CEP164: variants seen among roughly 807,000 people sequenced by gnomAD.
CEP164 encodes centrosomal protein 164.
In CEP164, 162 loss-of-function variants were observed where a neutral mutation model predicts 182.7. The observed-to-expected ratio is 0.89, with a 90% CI of 0.78 to 1.01. CEP164 has a LOEUF of 1.01. Ranked by LOEUF, CEP164 falls within the 50% of genes least tolerant of loss-of-function variation. The pLI is 0.00. For missense variants in CEP164, 1,735 were observed against 1,790.4 expected (o/e 0.97, Z 0.56); for synonymous variants, 661 against 690.0 (o/e 0.96, Z 0.66).
At chr11:117,331,464 A>G (rs1443422684) in intron 1 of CEP164, among the ~76,000 whole-genome samples, 5 of 152,190 alleles carry the variant, frequency 3.3e-5, no homozygotes, top group Admixed American at 2.0e-4. Context: ...TAGGCACTTT[A>G]TAAGTGTTGT....
chr11:117,379,089 C>T (rs2043045909), intron 11 of CEP164, among the ~76,000 whole-genome samples: 3 of 152,136 alleles, frequency 2.0e-5, no homozygotes, highest in South Asian at 2.1e-4. Context: ...GAGTTGCACC[C>T]TCGAAGGGGA....
chr11:117,410,313 A>T (rs757764483), intron 30 of CEP164: 2 of 425,530 alleles, frequency 4.7e-6, no homozygotes, highest in African/African-American at 2.0e-5. Flanking sequence ...TGTGCAATAC[A>T]TGATGGGCCA....
At chr11:117,392,194 G>A (rs957278491) in intron 17 of CEP164, 32 bp from the exon 18 acceptor site, 4 of 1,539,822 alleles carry the variant, frequency 2.6e-6, no homozygotes, top group African/African-American at 2.7e-5. Flanking sequence ...TACCTGGCCA[G>A]CTTCACTCAC....
intron 25 of CEP164, 85 bp downstream of exon 25, chr11:117,396,265 C>A: frequency 6.9e-7 from 1 of 1,445,282 alleles, no homozygotes; most frequent in South Asian, 1.2e-5. Context: ...GGAGTACTTC[C>A]AGAGGGGACA....
At chr11:117,322,769 T>A (rs2035298875) in intron 1 of CEP164, among the ~76,000 whole-genome samples, 1 of 140,812 alleles carries the variant, frequency 7.1e-6, no homozygotes, top group African/African-American at 2.6e-5. Context: ...TTTTTTTTTT[T>A]TTTTTTTTTT....
intron 27 of CEP164, among the ~76,000 whole-genome samples, chr11:117,404,478 G>C (rs375121365): frequency 6.6e-6 from 1 of 152,166 alleles, no homozygotes. Flanking sequence ...TATCACCAGC[G>C]GAGGCTGCAG....
At chr11:117,383,420 C>T (rs2043570275) in intron 14 of CEP164, among the ~76,000 whole-genome samples, 1 of 152,092 alleles carries the variant, frequency 6.6e-6, no homozygotes. Context: ...CCCTCTCAAA[C>T]CACTCACCCC....
At position 117,407,923 on chromosome 11, in the gene CEP164, A is replaced by T. The variant is rs2046897646; in HGVS notation, c.3502-2A>T. ...TCTCCTCTGTTTTCTCCTTGGCTGCAGGAGACCAGGCACCTGGATGAGATG... is the reference window on the plus strand; with the variant it reads ...TCTCCTCTGTTTTCTCCTTGGCTGCTGGAGACCAGGCACCTGGATGAGATG... On this transcript the variant is annotated splice_acceptor_variant, in intron 27 of 32. Coordinates refer to ENST00000278935, the MANE Select transcript of CEP164 (RefSeq NM_014956.5). LOFTEE classifies it high-confidence loss of function. 2 of 1,584,738 alleles carry T rather than the reference A, an allele frequency of 1.3e-6. No homozygotes were observed.
chr11:117,389,411 C>A (rs1213209404), intron 15 of CEP164, among the ~76,000 whole-genome samples: 2 of 152,250 alleles, frequency 1.3e-5, no homozygotes, highest in East Asian at 3.9e-4. Flanking sequence ...TGTTCAAATT[C>A]AATTAATTTA....
At position 117,373,762 on chromosome 11, in the gene CEP164, T is replaced by C; in HGVS notation, c.1164T>C (p.Ile388=). ...GSSDASQELE[I]SEHMKEPQLS... ...GTCTGTCTCTCCAGGAACTGGAAAT[T>C]AGTGAACACATGAAGGAACCACAGC... Residue 388 remains isoleucine, a synonymous_variant, in exon 10 of 33, where the codon ATT becomes ATC. Transcript: ENST00000278935. The C allele has an allele frequency of 6.2e-7, 1 of 1,614,100 alleles. No individual in the cohort carries two copies. The highest frequency in any genetic ancestry group is 8.5e-7 in the Non-Finnish European group (1 of 1,179,944).
chr11:117,362,333 G>A, intron 6 of CEP164, 71 bp from the exon 7 acceptor site: 1 of 1,505,998 alleles, frequency 6.6e-7, no homozygotes, highest in Non-Finnish European at 9.1e-7. Flanking sequence ...AGAGAGTGGG[G>A]AGGAGCATTC....
rs112768135 is a variant in CEP164 at position 117,389,223 on chromosome 11, C to T, written c.1935-1554C>T. Among the ~76,000 whole-genome samples, 1,272 of 152,262 alleles carry T rather than the reference C, an allele frequency of 8.4e-3. 18 individuals carry two copies. The highest frequency in any genetic ancestry group is 0.029 in the African/African-American group (1,217 of 41,544). On this transcript the variant is annotated intron_variant, in intron 15 of 32. Coordinates refer to ENST00000278935, the MANE Select transcript of CEP164 (RefSeq NM_014956.5). ...TTTTCCTAGGTTTGAATTCCCTGAG[C>T]GCACAGCACACATCCCCTGGTCGTG...
intron 10 of CEP164, among the ~76,000 whole-genome samples, chr11:117,374,255 G>T (rs1258040930): frequency 1.3e-5 from 2 of 152,070 alleles, no homozygotes; most frequent in African/African-American, 4.8e-5. Flanking sequence ...CAGGAGGGAT[G>T]CCATGGCTTC....
At chr11:117,378,998 G>A (rs898202794) in intron 11 of CEP164, among the ~76,000 whole-genome samples, 3 of 152,286 alleles carry the variant, frequency 2.0e-5, no homozygotes, top group Admixed American at 1.3e-4. Context: ...TTTGTTAAAT[G>A]GAGTGGGCCT....
chr11:117,344,382 T>A, intron 4 of CEP164, 105 bp downstream of exon 4: 1 of 738,656 alleles, frequency 1.4e-6, no homozygotes, highest in Non-Finnish European at 2.3e-6. Context: ...GCCTATCCTG[T>A]ACAGTCAGGG....
chr11:117,338,444 C>A, intron 2 of CEP164, 122 bp from the exon 3 acceptor site: 1 of 698,892 alleles, frequency 1.4e-6, no homozygotes, highest in Non-Finnish European at 2.5e-6. Context: ...CTGGGAAGGC[C>A]CTGGCCAAAT....
intron 8 of CEP164, among the ~76,000 whole-genome samples, chr11:117,366,083 T>C (rs2041606115): frequency 6.6e-6 from 1 of 152,156 alleles, no homozygotes; most frequent in East Asian, 1.9e-4. Flanking sequence ...TTTTGTCACA[T>C]GGAGTGTTGG....
rs1200721881 is a variant in CEP164 at position 117,394,769 on chromosome 11, C to T, written c.2761-151C>T. On this transcript the variant is annotated intron_variant, in intron 21 of 32. Coordinates refer to ENST00000278935, the MANE Select transcript of CEP164 (RefSeq NM_014956.5). The surrounding 1 kb of genome is among the most constrained non-coding windows in gnomAD (Gnocchi z 4.0). ...AGCAGGAAGTAAACAAGGTGTGGAGCCTTCCTGGGAGGCTGCAGGGGCACA... is the reference window on the plus strand; with the variant it reads ...AGCAGGAAGTAAACAAGGTGTGGAGTCTTCCTGGGAGGCTGCAGGGGCACA... 3 of 914,650 alleles carry T rather than the reference C, an allele frequency of 3.3e-6. No individual in the cohort carries two copies. The highest frequency in any genetic ancestry group is 4.8e-5 in the East Asian group (2 of 41,450). 56.7% of individuals were successfully genotyped at this position (914,650 alleles called of 1,614,324 possible).
chr11:117,411,446 C>A lies in CEP164; in HGVS notation c.4164-349C>A, dbSNP rs893567190. On this transcript the variant is annotated intron_variant, in intron 31 of 32. Coordinates refer to ENST00000278935, the MANE Select transcript of CEP164 (RefSeq NM_014956.5). This position sits in a 1 kb window ranked among gnomAD's most constrained non-coding sequence, Gnocchi z 4.4. ...CCCTTAGGCAGCTAACAGTGAGTAC[C>A]CCCCACTAACCCTTTGGCCAACTTG... 10 of 298,568 alleles carry A rather than the reference C, an allele frequency of 3.3e-5. No homozygotes were observed. The Admixed American group carries it at 4.2e-4, about 13-fold the overall frequency. 18.5% of individuals were successfully genotyped at this position (298,568 alleles called of 1,614,324 possible). A position where few individuals can be genotyped will look rare whatever the true frequency, so the allele number is the denominator to read the frequency against.
Sources: allele counts gnomAD v4.1 joint callset (sites outside exome capture counted in the v4.1 genomes callset), GRCh38; gene constraint gnomAD v4.1.1; non-coding constraint Gnocchi (gnomAD v3.1); transcripts MANE v1.5; gene names NCBI Gene and HGNC (gene_info 2026-07-23, HGNC 2026-07-21).